The following NSG2 variants were observed in gnomAD, a reference collection of about 807,000 sequenced individuals.
The protein encoded by NSG2 is neuronal vesicle trafficking-associated protein 2.
A neutral mutation model predicts 16.9 loss-of-function variants in NSG2; 4 were observed. That is an observed-to-expected ratio of 0.24 (90% CI 0.12 to 0.54). NSG2 has a LOEUF of 0.54. Among genes scored for constraint, NSG2 ranks in the 20% least tolerant of loss-of-function variants. The pLI, the probability that NSG2 is intolerant of heterozygous loss-of-function variation, is 0.95. For synonymous variants in NSG2, 98 were observed against 88.7 expected (o/e 1.11, Z -0.59); for missense variants, 179 against 221.1 (o/e 0.81, Z 1.21).
At chr5:174,052,192 T>C (rs1759899558) in intron 2 of NSG2, among the ~76,000 whole-genome samples, 1 of 152,144 alleles carries the variant, frequency 6.6e-6, no homozygotes, top group African/African-American at 2.4e-5. Flanking sequence ...GTGACTGAGT[T>C]GCCTGAAGCA....
chr5:174,080,286 A>AAT (rs1486884346), intron 3 of NSG2, among the ~76,000 whole-genome samples: 2 of 149,014 alleles, frequency 1.3e-5, no homozygotes, highest in African/African-American at 4.9e-5. Context: ...TTTGCAGGTA[A>AAT]ATATATATAT....
intron 3 of NSG2, among the ~76,000 whole-genome samples, chr5:174,074,045 AC>A (rs1186796832): frequency 6.6e-6 from 1 of 152,110 alleles, no homozygotes; most frequent in Non-Finnish European, 1.5e-5. Flanking sequence ...GAGTGTTTAC[AC>A]CATGGAAATC....
In NSG2 at chr5:174,064,222, A is replaced by G; in HGVS notation, c.130-10A>G. 1 of 1,593,132 alleles carries G rather than the reference A, an allele frequency of 6.3e-7. No homozygotes were observed. The highest frequency in any genetic ancestry group is 8.6e-7 in the Non-Finnish European group (1 of 1,166,102). On this transcript the variant is annotated splice_polypyrimidine_tract_variant and intron_variant, in intron 2 of 4. Coordinates refer to ENST00000303177, the MANE Select transcript of NSG2 (RefSeq NM_015980.5). ...TCCATGCATGCTAACACACTGGTTG[A>G]CTCTTTCAGGTGATTGTGAAGACAA...
chr5:174,061,135 A>G (rs1760043105), intron 2 of NSG2, among the ~76,000 whole-genome samples: 1 of 114,704 alleles, frequency 8.7e-6, no homozygotes, highest in African/African-American at 4.3e-5. Context: ...TGTATATATT[A>G]CACACACACA....
intron 2 of NSG2, among the ~76,000 whole-genome samples, chr5:174,052,871 G>A (rs1478042962): frequency 6.6e-6 from 1 of 152,230 alleles, no homozygotes; most frequent in African/African-American, 2.4e-5. Context: ...CACCTTGGCA[G>A]AGCCACAGGG....
chr5:174,082,868 T>G (rs1057146376), intron 3 of NSG2, among the ~76,000 whole-genome samples: 2 of 152,154 alleles, frequency 1.3e-5, no homozygotes, highest in Non-Finnish European at 2.9e-5. Context: ...TCCAGTCAAT[T>G]TCCATCCAAG....
intron 3 of NSG2, among the ~76,000 whole-genome samples, chr5:174,091,969 C>A (rs1760727898): frequency 6.6e-6 from 1 of 152,166 alleles, no homozygotes; most frequent in Non-Finnish European, 1.5e-5. Context: ...TGCTGAGTAG[C>A]TGATGATTTA....
intron 4 of NSG2, among the ~76,000 whole-genome samples, chr5:174,106,850 C>T (rs1424223170): frequency 3.3e-5 from 5 of 152,020 alleles, no homozygotes; most frequent in African/African-American, 1.2e-4. Context: ...GCCTCAGCCT[C>T]CCAAAGTGCT....
intron 3 of NSG2, among the ~76,000 whole-genome samples, chr5:174,083,078 G>A (rs953325998): frequency 6.6e-6 from 1 of 152,194 alleles, no homozygotes; most frequent in African/African-American, 2.4e-5. Context: ...GGGGCAGGCT[G>A]TTCTCTCCAC....
At chr5:174,088,578 C>G (rs1033864945) in intron 3 of NSG2, among the ~76,000 whole-genome samples, 2 of 152,174 alleles carry the variant, frequency 1.3e-5, no homozygotes, top group Non-Finnish European at 2.9e-5. Flanking sequence ...ATGAAAAAAA[C>G]TCATTTGAAA....
chr5:174,053,628 C>CA (rs1759925496), intron 2 of NSG2, among the ~76,000 whole-genome samples: 1 of 152,126 alleles, frequency 6.6e-6, no homozygotes, highest in Admixed American at 6.5e-5. Context: ...CAGAGAATCT[C>CA]AAGAGATGAA....
chr5:174,048,665 C>A (rs980588844), intron 2 of NSG2, among the ~76,000 whole-genome samples: 1 of 152,180 alleles, frequency 6.6e-6, no homozygotes, highest in African/African-American at 2.4e-5. Context: ...TAGCCTTCTA[C>A]ATGCCTGCAG....
At chr5:174,092,477 AG>A (rs969104624) in intron 3 of NSG2, among the ~76,000 whole-genome samples, 4 of 152,218 alleles carry the variant, frequency 2.6e-5, no homozygotes, top group African/African-American at 9.6e-5. Flanking sequence ...CCTGCCCTTG[AG>A]GGGCTGTCAG....
intron 3 of NSG2, among the ~76,000 whole-genome samples, chr5:174,092,840 G>A (rs976994831): frequency 6.6e-6 from 1 of 152,082 alleles, no homozygotes; most frequent in Admixed American, 6.5e-5. Flanking sequence ...AAAGTTGGAG[G>A]GGCCACAGTG....
intron 3 of NSG2, among the ~76,000 whole-genome samples, chr5:174,065,747 C>T (rs1760128123): frequency 6.6e-6 from 1 of 152,174 alleles, no homozygotes; most frequent in African/African-American, 2.4e-5. Context: ...ACAAGTGGTC[C>T]TGTGGATGGA....
chr5:174,080,509 T>C (rs368847246), intron 3 of NSG2, among the ~76,000 whole-genome samples: 7 of 113,186 alleles, frequency 6.2e-5, no homozygotes, highest in African/African-American at 2.2e-4. Flanking sequence ...CTTTCTTTCT[T>C]TCCCTCTTTC....
At chr5:174,087,747 C>G (rs773019062) in intron 3 of NSG2, among the ~76,000 whole-genome samples, 10 of 151,480 alleles carry the variant, frequency 6.6e-5, no homozygotes, top group African/African-American at 2.4e-4. Context: ...AAGATCGCAC[C>G]ACTGCACTCC....
intron 3 of NSG2, chr5:174,081,736 A>G (rs1354165063): frequency 6.6e-6 from 1 of 152,036 alleles, no homozygotes; most frequent in Admixed American, 6.6e-5. Flanking sequence ...TAAAAATACA[A>G]AAAATTAGCC....
chr5:174,086,847 C>T (rs993431646), intron 3 of NSG2, among the ~76,000 whole-genome samples: 2 of 152,198 alleles, frequency 1.3e-5, no homozygotes, highest in African/African-American at 2.4e-5. Flanking sequence ...GCAGGGCCCT[C>T]GGACCCTCGC....
Sources: gnomAD v4.1 joint callset for allele counts (sites outside exome capture counted in the v4.1 genomes callset) on GRCh38, gnomAD v4.1.1 for gene constraint, MANE v1.5 for transcripts, NCBI Gene and HGNC (gene_info 2026-07-23, HGNC 2026-07-21) for gene names.